Variants in KLF16 observed in about 807,000 individuals in gnomAD.
KLF16 encodes Krueppel-like factor 16.
A neutral mutation model predicts 6.1 loss-of-function variants in KLF16; 6 were observed. The observed-to-expected ratio is 0.98, with a 90% CI of 0.54 to 1.93. The LOEUF (loss-of-function observed/expected upper bound fraction) is 1.93, where lower values mean the gene tolerates loss of function less well. KLF16 is among the 30% of genes most tolerant of loss of function. The probability of loss-of-function intolerance (pLI) is 0.01; values close to 1 mark genes in which losing one functional copy is unlikely to be tolerated. For synonymous variants in KLF16, 211 were observed against 176.5 expected, an observed-to-expected ratio of 1.20 and a Z score of -1.55; for missense variants, 355 against 363.8, an observed-to-expected ratio of 0.98 and a Z score of 0.20.
chr19:1,872,551 T>G, the KLF16 span, among the ~76,000 whole-genome samples: 3 of 152,208 alleles, frequency 2.0e-5, no homozygotes, highest in South Asian at 4.1e-4. Flanking sequence ...AGTCGCGCTC[T>G]TATCCTCCAC....
intron 1 of KLF16, chr19:1,861,376 A>C (rs1462662901): frequency 6.6e-6 from 1 of 152,114 alleles, no homozygotes; most frequent in East Asian, 1.9e-4. Context: ...AGATCGCCCA[A>C]CTTACCCCCA....
At chr19:1,874,614 C>T in the KLF16 span, among the ~76,000 whole-genome samples, 1 of 151,308 alleles carries the variant, frequency 6.6e-6, no homozygotes, top group South Asian at 2.1e-4. Context: ...AAACTAATGA[C>T]CAGTAACAAT....
intron 1 of KLF16, among the ~76,000 whole-genome samples, chr19:1,856,658 C>T (rs1168157867): frequency 4.6e-5 from 7 of 152,202 alleles, no homozygotes; most frequent in Admixed American, 2.6e-4. Flanking sequence ...GACCCCACTC[C>T]CATCTCAACC....
chr19:1,859,921 C>T (rs1279099289), intron 1 of KLF16, among the ~76,000 whole-genome samples: 2 of 151,984 alleles, frequency 1.3e-5, no homozygotes, highest in African/African-American at 4.8e-5. Flanking sequence ...AGGCTGGGGA[C>T]ACTGCATAAC....
At position 1,854,669 on chromosome 19, in the gene KLF16, G is replaced by A. The variant is rs747691058; in HGVS notation, c.549C>T (p.Gly183=). 65 of 1,600,200 alleles carry A rather than the reference G, an allele frequency of 4.1e-5. No homozygotes were observed. The highest frequency in any genetic ancestry group is 2.0e-4 in the African/African-American group (15 of 74,856). The part of the protein sequence containing the change: ...ELARHHRTHT[G]EKRFSCPLCS... ...ACAGAGGGCAGGAGAAGCGCTTCTC[G>A]CCCGTGTGCGTCCGGTGGTGGCGGG... Residue 183 remains glycine, a synonymous_variant, in exon 2 of 2, where the codon GGC becomes GGT. Coordinates refer to ENST00000250916, the MANE Select transcript of KLF16 (RefSeq NM_031918.4).
At chr19:1,874,851 A>AGAAAAAT in the KLF16 span, 44 of 152,116 alleles carry the variant, frequency 2.9e-4, no homozygotes, top group African/African-American at 1.0e-3. Context: ...TCCACCCAAC[A>AGAAAAAT]GAAAAATGAG....
Position 1,863,165 on chromosome 19 carries a change from G to C in KLF16, c.333C>G (p.Ser111=). 3 of 1,276,864 alleles carry C rather than the reference G, an allele frequency of 2.3e-6. No homozygotes were observed. The South Asian group carries it at 5.9e-5, about 25-fold the overall frequency. 79.1% of individuals were successfully genotyped at this position (1,276,864 alleles called of 1,614,324 possible). The change falls in exon 1 of 2, where the codon TCC becomes TCG. Residue 111 remains serine, a synonymous_variant. Transcript: ENST00000250916. The part of the protein sequence containing the change: ...ASSSSAASSP[S]SGRAPGAAPS... ...GCGCGGCGCCGGGGGCGCGGCCCGA[G>C]GACGGGGACGAGGCGGCTGAGGAGG... is the stretch of plus-strand genomic sequence containing the variant.
chr19:1,860,879 T>C (rs1490324422), intron 1 of KLF16, among the ~76,000 whole-genome samples: 2 of 151,904 alleles, frequency 1.3e-5, no homozygotes, highest in African/African-American at 4.8e-5. Flanking sequence ...GAATCCAAGG[T>C]GCCTGGGCCT....
At chr19:1,861,113 C>T (rs1281700965) in intron 1 of KLF16, among the ~76,000 whole-genome samples, 1 of 152,130 alleles carries the variant, frequency 6.6e-6, no homozygotes, top group Non-Finnish European at 1.5e-5. Context: ...GATAACAATA[C>T]TGCCTTCCCA....
In KLF16 at chr19:1,853,717, A is replaced by C. The variant is rs963928789; in HGVS notation, c.*742T>G. ...GACAGAGGAAAATAAATAAGCCAGG[A>C]TTCCCTCCCGACCCCACTGAGTCAA... On this transcript the variant is annotated 3_prime_UTR_variant, in exon 2 of 2. Coordinates refer to ENST00000250916, the MANE Select transcript of KLF16 (RefSeq NM_031918.4). 1.3e-5 allele frequency: 2 copies of C among 152,486 alleles called. No individual in the cohort carries two copies. The highest frequency in any genetic ancestry group is 4.8e-5 in the African/African-American group (2 of 41,422). 9.4% of individuals were successfully genotyped at this position (152,486 alleles called of 1,614,324 possible).
intron 1 of KLF16, among the ~76,000 whole-genome samples, chr19:1,859,340 C>G (rs1290709575): frequency 6.6e-6 from 1 of 152,096 alleles, no homozygotes; most frequent in African/African-American, 2.4e-5. Flanking sequence ...CTCTGCACAC[C>G]TCGTCCTGAG....
At position 1,863,480 on chromosome 19, in the gene KLF16, C is replaced by T; in HGVS notation, c.18G>A (p.Ala6=). MSAAV[A]CVDYFAADVL... is the part of the protein sequence containing the mutation. ...CGTCGGCGGCGAAGTAATCCACGCA[C>T]GCCACGGCCGCCGACATGCCGAGCA... Residue 6 remains alanine (A), a synonymous_variant, in exon 1 of 2, where the codon GCG becomes GCA. Transcript: ENST00000250916. The T allele has an allele frequency of 1.9e-6, 2 of 1,029,954 alleles. No individual in the cohort carries two copies. The highest frequency in any genetic ancestry group is 3.0e-5 in the South Asian group (1 of 32,986). 63.8% of individuals were successfully genotyped at this position (1,029,954 alleles called of 1,614,324 possible).
the KLF16 span, among the ~76,000 whole-genome samples, chr19:1,871,586 C>T: frequency 1.3e-5 from 2 of 152,124 alleles, no homozygotes; most frequent in Non-Finnish European, 1.5e-5. Context: ...CCCAAAGCCA[C>T]TCAGGGTATA....
upstream of KLF16, among the ~76,000 whole-genome samples, chr19:1,863,770 A>C (rs1356241987): frequency 1.5e-4 from 17 of 110,010 alleles, no homozygotes; most frequent in South Asian, 9.5e-4. Context: ...GCCCTCCACC[A>C]CTCTCCGAGC....
chr19:1,858,010 C>T (rs1351899897), intron 1 of KLF16, among the ~76,000 whole-genome samples: 1 of 152,034 alleles, frequency 6.6e-6, no homozygotes, highest in Non-Finnish European at 1.5e-5. Context: ...CCCACTCTGC[C>T]CCTAGCTCCC....
intron 1 of KLF16, among the ~76,000 whole-genome samples, chr19:1,859,384 C>G (rs916099627): frequency 1.3e-5 from 2 of 152,114 alleles, no homozygotes; most frequent in Non-Finnish European, 2.9e-5. Flanking sequence ...TAGACCAGCA[C>G]GCCTCGATCC....
At chr19:1,855,713 C>T (rs2011936626) in intron 1 of KLF16, among the ~76,000 whole-genome samples, 1 of 152,226 alleles carries the variant, frequency 6.6e-6, no homozygotes, top group Admixed American at 6.5e-5. Flanking sequence ...GTGATGTCAG[C>T]GTCTCCCCAG....
At position 1,853,737 on chromosome 19, in the gene KLF16, A is replaced by G. The variant is rs1310847200; in HGVS notation, c.*722T>C. On this transcript the variant is annotated 3_prime_UTR_variant, in exon 2 of 2. Coordinates refer to ENST00000250916, the MANE Select transcript of KLF16 (RefSeq NM_031918.4). ...CCAGGATTCCCTCCCGACCCCACTG[A>G]GTCAAATGTTCTTTGGAAGAACCCA... The G allele has an allele frequency of 6.6e-6, 1 of 152,500 alleles. No homozygotes were observed. The highest frequency in any genetic ancestry group is 1.9e-4 in the East Asian group (1 of 5,192). The allele number at this position is 152,500 out of a possible 1,614,324, so 9.4% of individuals were successfully genotyped here.
intron 1 of KLF16, chr19:1,862,761 G>A (rs2012093964): frequency 2.7e-6 from 1 of 369,510 alleles, no homozygotes; most frequent in Non-Finnish European, 4.8e-6. Flanking sequence ...GAGAGAGGTG[G>A]TCTGCCCAGG....
Sources: gnomAD v4.1 joint callset for allele counts (sites outside exome capture counted in the v4.1 genomes callset) on GRCh38, gnomAD v4.1.1 for gene constraint, MANE v1.5 for transcripts, NCBI Gene and HGNC (gene_info 2026-07-23, HGNC 2026-07-21) for gene names.